The following MED27 variants were observed in gnomAD, a reference collection of about 807,000 sequenced individuals.
The protein encoded by MED27 is mediator of RNA polymerase II transcription subunit 27.
MED27 carries 30 observed loss-of-function variants against 38.2 expected under a neutral mutation model. The observed-to-expected ratio is 0.79, with a 90% CI of 0.59 to 1.07. MED27 has a LOEUF of 1.07. MED27 is among the 50% of genes least tolerant of loss of function. The probability of loss-of-function intolerance (pLI) is 0.00; values close to 1 mark genes in which losing one functional copy is unlikely to be tolerated. For missense variants in MED27, 289 were observed against 397.5 expected, an observed-to-expected ratio of 0.73 and a Z score of 2.32; for synonymous variants, 122 against 153.5, an observed-to-expected ratio of 0.79 and a Z score of 1.52.
chr9:132,007,001 C>T (rs1209513004), intron 3 of MED27, among the ~76,000 whole-genome samples: 4 of 152,200 alleles, frequency 2.6e-5, no homozygotes, highest in Non-Finnish European at 5.9e-5. Flanking sequence ...CAATGATCTT[C>T]TTGGGAATTA....
chr9:131,865,851 C>T (rs77280026), intron 6 of MED27, among the ~76,000 whole-genome samples: 1,827 of 152,376 alleles, frequency 0.012, 41 homozygotes, highest in African/African-American at 0.042. Flanking sequence ...GTGCCCAGCT[C>T]CTCTTGAAGC....
intron 4 of MED27, among the ~76,000 whole-genome samples, chr9:131,903,303 G>A (rs1829988367): frequency 6.6e-6 from 1 of 152,156 alleles, no homozygotes; most frequent in African/African-American, 2.4e-5. Context: ...CAGATCTTGT[G>A]AGATCCACTC....
chr9:131,869,510 C>G, intron 6 of MED27: 1 of 753,502 alleles, frequency 1.3e-6, no homozygotes, highest in Non-Finnish European at 1.6e-6. Flanking sequence ...GCCGCCCTCC[C>G]CCTTGGCGGA....
chr9:131,942,015 C>CGG (rs1174291544), intron 3 of MED27, among the ~76,000 whole-genome samples: 1 of 151,838 alleles, frequency 6.6e-6, no homozygotes, highest in East Asian at 1.9e-4. Context: ...TTAGTAGAGA[C>CGG]GGGATTTCAC....
intron 4 of MED27, among the ~76,000 whole-genome samples, chr9:131,912,842 C>T (rs1267080800): frequency 3.9e-5 from 6 of 152,140 alleles, no homozygotes; most frequent in South Asian, 2.1e-4. Flanking sequence ...TCCATGTTAG[C>T]GAGCAGATGT....
intron 3 of MED27, among the ~76,000 whole-genome samples, chr9:131,957,134 T>C (rs868209863): frequency 1.6e-4 from 24 of 152,342 alleles, no homozygotes; most frequent in South Asian, 1.0e-3. Context: ...CAGTTTCTTA[T>C]AGAGGTAAAT....
chr9:131,965,689 G>A (rs1831323039), intron 3 of MED27, among the ~76,000 whole-genome samples: 1 of 152,128 alleles, frequency 6.6e-6, no homozygotes, highest in African/African-American at 2.4e-5. Flanking sequence ...CCTCTTAGGA[G>A]TCTACATGTC....
At chr9:132,057,354 A>C (rs538845193) in intron 2 of MED27, among the ~76,000 whole-genome samples, 1 of 152,328 alleles carries the variant, frequency 6.6e-6, no homozygotes, top group South Asian at 2.1e-4. Flanking sequence ...ACTGGGGACC[A>C]AATGAGAAAC....
chr9:131,962,185 A>G (rs1267680530), intron 3 of MED27, among the ~76,000 whole-genome samples: 7 of 152,172 alleles, frequency 4.6e-5, no homozygotes, highest in Non-Finnish European at 7.4e-5. Context: ...ACTCTTCCAA[A>G]AGGCAGATTT....
intron 3 of MED27, among the ~76,000 whole-genome samples, chr9:131,948,696 T>A (rs1459049065): frequency 6.6e-6 from 1 of 152,074 alleles, no homozygotes; most frequent in Non-Finnish European, 1.5e-5. Context: ...GTTGTTCTCT[T>A]CCAAGGAAAG....
chr9:132,044,763 C>T (rs1833294396), intron 2 of MED27, among the ~76,000 whole-genome samples: 1 of 152,200 alleles, frequency 6.6e-6, no homozygotes, highest in African/African-American at 2.4e-5. Flanking sequence ...AATGAAGACA[C>T]TCTAATTTTT....
intron 4 of MED27, among the ~76,000 whole-genome samples, chr9:131,904,156 C>T (rs576186267): frequency 6.6e-6 from 1 of 152,150 alleles, no homozygotes; most frequent in Admixed American, 6.5e-5. Flanking sequence ...GTCTTGGCCT[C>T]CCAAAGTGCT....
At chr9:131,910,033 A>G (rs2131534923) in intron 4 of MED27, among the ~76,000 whole-genome samples, 1 of 152,334 alleles carries the variant, frequency 6.6e-6, no homozygotes, top group Non-Finnish European at 1.5e-5. Flanking sequence ...GAATAGTAGC[A>G]GTTTGCATTT....
chr9:131,939,363 C>T lies in MED27; in HGVS notation c.573+18G>A. 2.5e-6 allele frequency: 4 copies of T among 1,570,004 alleles called. No individual in the cohort carries two copies. Among genetic ancestry groups the T allele is most frequent in the Non-Finnish European group, 3.5e-6 (4 of 1,152,498 alleles). Reference sequence around the variant, plus strand: ...TTTTTCCCCCAACATCCCTACAAATCAGTCAAGCTGATCTTACCAGAAGCA... The same window carrying T: ...TTTTTCCCCCAACATCCCTACAAATTAGTCAAGCTGATCTTACCAGAAGCA... On this transcript the variant is annotated intron_variant, in intron 4 of 7. Coordinates refer to ENST00000292035, the MANE Select transcript of MED27 (RefSeq NM_004269.4).
At chr9:131,947,213 C>T (rs1589227540) in intron 3 of MED27, among the ~76,000 whole-genome samples, 1 of 152,062 alleles carries the variant, frequency 6.6e-6, no homozygotes, top group Non-Finnish European at 1.5e-5. Context: ...TGTGAGGTGT[C>T]GGGGGTCCAT....
intron 4 of MED27, among the ~76,000 whole-genome samples, chr9:131,910,383 G>T (rs1363502903): frequency 6.6e-6 from 1 of 152,168 alleles, no homozygotes; most frequent in Admixed American, 6.5e-5. Context: ...GGTTGTAAGA[G>T]AATATAAATG....
chr9:131,915,041 G>A (rs1422168451), intron 4 of MED27, among the ~76,000 whole-genome samples: 2 of 152,182 alleles, frequency 1.3e-5, no homozygotes, highest in Non-Finnish European at 2.9e-5. Context: ...CCAGGGAAAG[G>A]CCAAGACTAA....
At chr9:132,073,991 A>T (rs982587337) in intron 2 of MED27, among the ~76,000 whole-genome samples, 4 of 152,234 alleles carry the variant, frequency 2.6e-5, no homozygotes, top group Non-Finnish European at 4.4e-5. Context: ...AGAAACCTTC[A>T]AAAGAGGACC....
chr9:131,861,692 C>T lies in MED27; in HGVS notation c.802-1020G>A, dbSNP rs1220219192. Among the ~76,000 whole-genome samples the T allele has an allele frequency of 5.3e-5, 8 of 152,112 alleles. No individual in the cohort carries two copies. The highest frequency in any genetic ancestry group is 5.2e-4 in the Admixed American group (8 of 15,282). ...ACTCATGTCTGTGCCTCAAATCAAT[C>T]AATCAACAGATTCGTATTAATTAGC... On this transcript the variant is annotated intron_variant, in intron 7 of 7. Transcript: ENST00000292035. This position sits in a 1 kb window ranked among gnomAD's most constrained non-coding sequence, Gnocchi z 4.4.
Sources: gnomAD v4.1 joint callset for allele counts (sites outside exome capture counted in the v4.1 genomes callset) on GRCh38, gnomAD v4.1.1 for gene constraint, Gnocchi (gnomAD v3.1) non-coding constraint, MANE v1.5 for transcripts, NCBI Gene and HGNC (gene_info 2026-07-23, HGNC 2026-07-21) for gene names.